MYH2: variants seen among roughly 807,000 people sequenced by gnomAD.
MYH2 encodes myosin heavy chain 2, also known as myosin-2.
In MYH2, 139 loss-of-function variants were observed where a neutral mutation model predicts 228.1. The observed-to-expected ratio is 0.61, with a 90% CI of 0.53 to 0.70. The LOEUF (loss-of-function observed/expected upper bound fraction) is 0.70, where lower values mean the gene tolerates loss of function less well. Among genes scored for constraint, MYH2 ranks in the 30% least tolerant of loss-of-function variants. The probability of loss-of-function intolerance (pLI) is 0.00; values close to 1 mark genes in which losing one functional copy is unlikely to be tolerated. For synonymous variants in MYH2, 796 were observed against 871.1 expected (o/e 0.91, Z 1.52); for missense variants, 1,809 against 2,357.5 (o/e 0.77, Z 4.82).
chr17:10,547,893 A>C lies in MYH2; in HGVS notation c.28T>G (p.Phe10Val). 3 of 1,614,134 alleles carry C rather than the reference A, an allele frequency of 1.9e-6. No homozygotes were observed. The highest frequency in any genetic ancestry group is 2.5e-6 in the Non-Finnish European group (3 of 1,180,022). ...CGGAGGAAAGGAGCAGCCTCCCCAA[A>C]AACAGCCAATTCTGAGTCTGAACTC... MSSDSELAV[F>V]GEAAPFLRKS... Residue 10 changes from phenylalanine to valine, a missense_variant, in exon 3 of 40, where the codon TTT (phenylalanine) becomes GTT (valine). By Grantham distance (50) the Phe-to-Val change is conservative. This residue lies in a region of MYH2 where 84 missense variants were observed against 81.8 expected (regional missense o/e 1.03). Coordinates refer to ENST00000245503, the MANE Select transcript of MYH2 (RefSeq NM_017534.6).
rs1451301582 is a variant in MYH2, at chr17:10,524,651, C to T, written c.4990G>A (p.Asp1664Asn). The T allele has an allele frequency of 1.9e-6, 3 of 1,614,232 alleles. No homozygotes were observed. Among genetic ancestry groups the T allele is most frequent in the Non-Finnish European group, 2.5e-6 (3 of 1,180,044 alleles). Reference protein sequence around the residue: ...GILKDTQIHLDDALRSQEDLK... With the variant: ...GILKDTQIHLNDALRSQEDLK... ...TCCTCCTGGCTCCGGAGAGCATCATCCAGGTGGATCTGGGTATCCTGTGAA... is the reference window on the plus strand; with the variant it reads ...TCCTCCTGGCTCCGGAGAGCATCATTCAGGTGGATCTGGGTATCCTGTGAA... Residue 1664 changes from aspartate (D) to asparagine (N), a missense_variant, in exon 35 of 40, where the codon GAT (aspartate) becomes AAT (asparagine). Physicochemically the swap from Asp to Asn is conservative, Grantham distance 23. Coordinates refer to ENST00000245503, the MANE Select transcript of MYH2 (RefSeq NM_017534.6). The surrounding 1 kb of genome is among the most constrained non-coding windows in gnomAD (Gnocchi z 4.7).
At position 10,523,844 on chromosome 17, in the gene MYH2, T is replaced by G; in HGVS notation, c.5216A>C (p.Asp1739Ala). The change falls in exon 36 of 40, where the codon GAT (aspartate) becomes GCT (alanine). Residue 1739 changes from aspartate (D) to alanine (A), a missense_variant. Transcript: ENST00000245503. The part of the protein sequence containing the change: ...LINTKKKLET[D>A]ISQMQGEMED... ...CATCTCTCCTTGCATTTGGGAAATA[T>G]CTGTCTCCAGCTTCTTCTTGGTGTT... 1 of 1,614,072 alleles carries G rather than the reference T, an allele frequency of 6.2e-7. No individual in the cohort carries two copies. Among genetic ancestry groups the G allele is most frequent in the East Asian group, 2.2e-5 (1 of 44,884 alleles).
rs533949633 is a variant in MYH2 at position 10,539,881 on chromosome 17, G to A, written c.1147+47C>T. The A allele has an allele frequency of 8.7e-6, 14 of 1,612,262 alleles. No individual in the cohort carries two copies. In the African/African-American group the frequency reaches 1.7e-4, roughly 20 times the overall value. Reference sequence around the variant, plus strand: ...AATTCCTGGGTAACAAGTTAAGAATGTGATTTTCAAACAAATGCAAAATCA... The same window carrying A: ...AATTCCTGGGTAACAAGTTAAGAATATGATTTTCAAACAAATGCAAAATCA... On this transcript the variant is annotated intron_variant, in intron 12 of 39. Coordinates refer to ENST00000245503, the MANE Select transcript of MYH2 (RefSeq NM_017534.6).
In MYH2 at chr17:10,537,419, CCT is replaced by C. The variant is rs1190774331; in HGVS notation, c.1709_1710del (p.Lys570SerfsTer36). 6.2e-7 allele frequency: 1 copy of C among 1,614,040 alleles called. No homozygotes were observed. Among genetic ancestry groups the C allele is most frequent in the Non-Finnish European group, 8.5e-7 (1 of 1,180,040 alleles). On this transcript the variant is annotated frameshift_variant, in exon 16 of 40. Transcript: ENST00000245503. LOFTEE classifies it high-confidence loss of function. The surrounding 1 kb of genome is among the most constrained non-coding windows in gnomAD (Gnocchi z 4.0). ...TGGGCCTCGGCCTTGCCTTTGACCACCTTGGGCTTCTGGAAGTTGGCAGACTT... is the reference window on the plus strand; with the variant it reads ...TGGGCCTCGGCCTTGCCTTTGACCACTGGGCTTCTGGAAGTTGGCAGACTT... ...LGKSANFQKPKVVKGKAEAHF... is the reference protein window; with the variant it reads ...LGKSANFQKPXVVKGKAEAHF...
chr17:10,530,861 GTTA>G (rs1343691691), intron 22 of MYH2, among the ~76,000 whole-genome samples: 2 of 152,182 alleles, frequency 1.3e-5, no homozygotes, highest in Non-Finnish European at 2.9e-5. Context: ...TCTAGAAGGA[GTTA>G]TTATACTGCT....
In MYH2 at chr17:10,537,487, T is replaced by A; in HGVS notation, c.1643A>T (p.Asp548Val). 1 of 1,614,230 alleles carries A rather than the reference T, an allele frequency of 6.2e-7. No individual in the cohort carries two copies. Among genetic ancestry groups the A allele is most frequent in the Non-Finnish European group, 8.5e-7 (1 of 1,180,038 alleles). Residue 548 changes from aspartate to valine, a missense_variant, in exon 16 of 40, where the codon GAC (aspartate) becomes GTC (valine). Around this residue, in one of 9 missense-constraint regions of MYH2, gnomAD observed 373 missense variants for 620.4 expected, o/e 0.60. Transcript: ENST00000245503. This position sits in a 1 kb window ranked among gnomAD's most constrained non-coding sequence, Gnocchi z 4.0. ...EEECMFPKAT[D>V]TSFKNKLYDQ... The stretch of plus-strand genomic sequence containing the variant: ...ATACAGCTTGTTCTTGAAGGAGGTG[T>A]CTGTTGCCTTAGGGAACATGCACTC...
At position 10,523,408 on chromosome 17, in the gene MYH2, C is replaced by T. The variant is rs766875105; in HGVS notation, c.5477G>A (p.Arg1826Gln). ...ACTCTCAACCTCTCCTTCCAGCTCC[C>T]GTACCTGCAAATAAGTAGGCTCTTA... ...KQIQKLEARV[R>Q]ELEGEVESEQ... Residue 1826 changes from arginine (R) to glutamine (Q), a missense_variant, in exon 38 of 40, where the codon CGG (arginine) becomes CAG (glutamine). Physicochemically the swap from Arg to Gln is conservative, Grantham distance 43. Transcript: ENST00000245503. 17 of 1,614,166 alleles carry T rather than the reference C, an allele frequency of 1.1e-5. No homozygotes were observed. The highest frequency in any genetic ancestry group is 5.5e-5 in the South Asian group (5 of 91,082).
intron 16 of MYH2, 32 bp from the exon 17 acceptor site, chr17:10,536,638 T>A: frequency 6.3e-7 from 1 of 1,594,790 alleles, no homozygotes; most frequent in Non-Finnish European, 8.6e-7. Flanking sequence ...AAATACTGTT[T>A]TGAATTGGCA....
In MYH2 at chr17:10,547,867, T is replaced by C; in HGVS notation, c.54A>G (p.Arg18=). 2 of 1,614,174 alleles carry C rather than the reference T, an allele frequency of 1.2e-6. No homozygotes were observed. The highest frequency in any genetic ancestry group is 1.3e-5 in the African/African-American group (1 of 75,036). ...AVFGEAAPFL[R]KSERERIEAQ... ...CCTCAATGCGCTCCCTTTCAGACTT[T>C]CGGAGGAAAGGAGCAGCCTCCCCAA... The change falls in exon 3 of 40, where the codon CGA becomes CGG. Residue 18 remains arginine (R), a synonymous_variant. Coordinates refer to ENST00000245503, the MANE Select transcript of MYH2 (RefSeq NM_017534.6).
intron 5 of MYH2, among the ~76,000 whole-genome samples, chr17:10,545,105 C>A (rs537747342): frequency 6.6e-6 from 1 of 152,144 alleles, no homozygotes; most frequent in South Asian, 2.1e-4. Flanking sequence ...CAAAAGTATA[C>A]TAACTAACCA....
chr17:10,535,022 A>G (rs1347512467), intron 19 of MYH2, 51 bp downstream of exon 19: 1 of 1,583,760 alleles, frequency 6.3e-7, no homozygotes, highest in South Asian at 1.1e-5. Context: ...TGCTTGCATT[A>G]AACTTGTTCA....
chr17:10,535,717 A>G (rs1266582532), intron 17 of MYH2, among the ~76,000 whole-genome samples: 3 of 152,164 alleles, frequency 2.0e-5, no homozygotes, highest in Non-Finnish European at 4.4e-5. Context: ...ACCAAATTCC[A>G]TAGTTCTCCA....
intron 17 of MYH2, 58 bp downstream of exon 17, chr17:10,536,471 AC>A: frequency 3.6e-6 from 5 of 1,398,306 alleles, no homozygotes; most frequent in Non-Finnish European, 5.0e-6. Flanking sequence ...AGAAAAACAG[AC>A]CCATGTAAAA....
At chr17:10,531,996 A>G in intron 21 of MYH2, 108 bp from the exon 22 acceptor site, 1 of 1,362,498 alleles carries the variant, frequency 7.3e-7, no homozygotes, top group Non-Finnish European at 1.0e-6. Context: ...CTCTGCTTTC[A>G]AACATGCAGA....
intron 4 of MYH2, among the ~76,000 whole-genome samples, chr17:10,547,157 G>A (rs2073645980): frequency 6.6e-6 from 1 of 152,168 alleles, no homozygotes; most frequent in African/African-American, 2.4e-5. Flanking sequence ...TGATTCTGCG[G>A]CTGGAGTGGG....
At position 10,533,317 on chromosome 17, in the gene MYH2, TG is replaced by T. The variant is rs1407362282; in HGVS notation, c.2408del (p.Ala803GlufsTer26). On this transcript the variant is annotated frameshift_variant, in exon 21 of 40. Transcript: ENST00000245503. LOFTEE classifies it high-confidence loss of function. ...RTQARCRGFL[A>X]RVEYQRMVER... ...CCACCATCCTCTGGTACTCCACTCTTGCCAAGAACCCTCTGCACCTGGCCTG... is the reference window on the plus strand; with the variant it reads ...CCACCATCCTCTGGTACTCCACTCTTCCAAGAACCCTCTGCACCTGGCCTG... 6.2e-7 allele frequency: 1 copy of T among 1,614,082 alleles called. No individual in the cohort carries two copies. The highest frequency in any genetic ancestry group is 8.5e-7 in the Non-Finnish European group (1 of 1,180,030).
Position 10,535,101 on chromosome 17 carries a change from T to G in MYH2, c.2152A>C (p.Arg718=), listed in dbSNP as rs775441636. Residue 718 remains arginine (R), a synonymous_variant, in exon 19 of 40, where the codon AGA becomes CGA. Transcript: ENST00000245503. ...IRICRKGFPS[R]ILYADFKQRY... is the part of the protein sequence containing the mutation. ...TGTTTGAAGTCTGCATAAAGGATTC[T>G]GCTTGGAAATCCTTTCCTACAGATG... The G allele has an allele frequency of 1.2e-6, 2 of 1,614,198 alleles. No homozygotes were observed. Among genetic ancestry groups the G allele is most frequent in the Non-Finnish European group, 1.7e-6 (2 of 1,180,002 alleles).
intron 14 of MYH2, among the ~76,000 whole-genome samples, chr17:10,538,212 G>A (rs2073505619): frequency 6.6e-6 from 1 of 151,958 alleles, no homozygotes; most frequent in Admixed American, 6.6e-5. Flanking sequence ...TGCAACCCAT[G>A]AGAAGCTGGC....
In MYH2 at chr17:10,528,705, C is replaced by T. The variant is rs764602890; in HGVS notation, c.3729G>A (p.Thr1243=). Residue 1243 remains threonine, a synonymous_variant, in exon 27 of 40, where the codon ACG becomes ACA. Transcript: ENST00000245503. ...EIDDLASNVE[T]VSKAKGNLEK... is the part of the protein sequence containing the mutation. The stretch of plus-strand genomic sequence containing the variant: ...TTTGTAGTACCTTGGCTTTGGAGAC[C>T]GTTTCTACATTACTAGCAAGGTCAT... 16 of 1,613,858 alleles carry T rather than the reference C, an allele frequency of 9.9e-6. No homozygotes were observed. The highest frequency in any genetic ancestry group is 1.6e-4 in the Middle Eastern group (1 of 6,080).
Sources: allele counts gnomAD v4.1 joint callset (sites outside exome capture counted in the v4.1 genomes callset), GRCh38; gene constraint gnomAD v4.1.1; regional missense constraint gnomAD v4.1.1; non-coding constraint Gnocchi (gnomAD v3.1); transcripts MANE v1.5; gene names NCBI Gene and HGNC (gene_info 2026-07-23, HGNC 2026-07-21).